Variants in INTS3 observed in about 807,000 individuals in gnomAD.
The protein encoded by INTS3 is SOSS complex subunit A.
In INTS3, 34 loss-of-function variants were observed where a neutral mutation model predicts 146.3. The observed-to-expected ratio is 0.23, with a 90% CI of 0.18 to 0.31. The LOEUF (loss-of-function observed/expected upper bound fraction) is 0.31, where lower values mean the gene tolerates loss of function less well. Among genes scored for constraint, INTS3 ranks in the 10% least tolerant of loss-of-function variants. The pLI, the probability that INTS3 is intolerant of heterozygous loss-of-function variation, is 1.00. For missense variants in INTS3, 757 were observed against 1,304.2 expected (o/e 0.58, Z 6.46); for synonymous variants, 475 against 494.9 (o/e 0.96, Z 0.53).
intron 12 of INTS3, 183 bp from the exon 13 acceptor site, chr1:153,760,644 C>T: frequency 1.6e-6 from 1 of 632,600 alleles, no homozygotes. Flanking sequence ...CCTTGGGGAG[C>T]AGCCAGGTCC....
At chr1:153,741,739 C>T (rs918291429) in intron 3 of INTS3, among the ~76,000 whole-genome samples, 7 of 152,196 alleles carry the variant, frequency 4.6e-5, no homozygotes, top group African/African-American at 1.7e-4. Context: ...CAGATTCTGC[C>T]ATTGGCAGGT....
intron 11 of INTS3, chr1:153,759,852 A>AG: frequency 1.8e-6 from 1 of 557,008 alleles, no homozygotes; most frequent in East Asian, 2.9e-5. Context: ...TCAGGAGGGG[A>AG]GGGCATGGGC....
chr1:153,765,095 C>G (rs753433991), intron 20 of INTS3, 32 bp downstream of exon 20: 9 of 1,612,822 alleles, frequency 5.6e-6, no homozygotes, highest in Non-Finnish European at 7.6e-6. Context: ...CAAATGGTGT[C>G]AGGACACATC....
intron 1 of INTS3, among the ~76,000 whole-genome samples, chr1:153,740,226 G>C (rs955129051): frequency 2.6e-5 from 4 of 151,836 alleles, no homozygotes; most frequent in African/African-American, 9.7e-5. Context: ...CAGCCTCCCA[G>C]GTAGCTGGGA....
Position 153,770,719 on chromosome 1 carries a change from A to G in INTS3, c.2538A>G (p.Gln846=), listed in dbSNP as rs746159197. 6.2e-7 allele frequency: 1 copy of G among 1,613,612 alleles called. No individual in the cohort carries two copies. Among genetic ancestry groups the G allele is most frequent in the East Asian group, 2.2e-5 (1 of 44,880 alleles). The change falls in exon 25 of 30, where the codon CAA becomes CAG. Residue 846 remains glutamine, a synonymous_variant. Coordinates refer to ENST00000318967, the MANE Select transcript of INTS3 (RefSeq NM_023015.5). The stretch of plus-strand genomic sequence containing the variant: ...AGGCCCTGTCCTGCCTACTGCTTCA[A>G]CTCCGAAGAGAAAAGTGAGTTCCAC... ...HPEALSCLLL[Q]LRREKPSEEM...
At position 153,773,744 on chromosome 1, in the gene INTS3, G is replaced by A; in HGVS notation, c.*474G>A. ...GTTTGTTCTGAAGGGACGTTTTATA[G>A]TCACTATCCACATGCCAGTGTGAAA... On this transcript the variant is annotated 3_prime_UTR_variant, in exon 30 of 30. Coordinates refer to ENST00000318967, the MANE Select transcript of INTS3 (RefSeq NM_023015.5). 5.3e-6 allele frequency: 1 copy of A among 189,240 alleles called. No homozygotes were observed. The highest frequency in any genetic ancestry group is 1.3e-5 in the Non-Finnish European group (1 of 79,616). The allele number at this position is 189,240 out of a possible 1,614,324, so 11.7% of individuals were successfully genotyped here.
At position 153,773,219 on chromosome 1, in the gene INTS3, T is replaced by C. The variant is rs200321129; in HGVS notation, c.3078T>C (p.Pro1026=). 2.5e-6 allele frequency: 4 copies of C among 1,614,022 alleles called. No individual in the cohort carries two copies. The African/African-American group carries it at 5.3e-5, about 22-fold the overall frequency. Residue 1026 remains proline (P), a synonymous_variant, in exon 30 of 30, where the codon CCT becomes CCC. Coordinates refer to ENST00000318967, the MANE Select transcript of INTS3 (RefSeq NM_023015.5). The stretch of plus-strand genomic sequence containing the variant: ...AAGAGGAAGACACGAAACCGAAGCC[T>C]ACCAAGCGGAAACGAAAAGGGTCCT... ...ASEEEDTKPK[P]TKRKRKGSSA...
chr1:153,752,214 C>G lies in INTS3; in HGVS notation c.730-65C>G, dbSNP rs1387717992. The G allele has an allele frequency of 2.0e-6, 3 of 1,505,638 alleles. No homozygotes were observed. In the African/African-American group the frequency reaches 4.1e-5, roughly 21 times the overall value. 93.3% of individuals were successfully genotyped at this position (1,505,638 alleles called of 1,614,324 possible). On this transcript the variant is annotated intron_variant, in intron 7 of 29. Transcript: ENST00000318967. ...AACATGTTGTTCCTTTGTCCTCCCT[C>G]CAGCAGGTAAACAATCCATGTTTTT...
Position 153,773,010 on chromosome 1 carries a change from A to C in INTS3, c.2980A>C (p.Ser994Arg). The change falls in exon 29 of 30, where the codon AGC becomes CGC. Residue 994 changes from serine (S) to arginine (R), a missense_variant. Transcript: ENST00000318967. ...GAGCCGGCGAAAAGCAGCTCTGTCCAGCCCTCGAAGTCGAAAGAATGCCAC... is the reference window on the plus strand; with the variant it reads ...GAGCCGGCGAAAAGCAGCTCTGTCCCGCCCTCGAAGTCGAAAGAATGCCAC... ...PKSRRKAALSSPRSRKNATQP... is the reference protein window; with the variant it reads ...PKSRRKAALSRPRSRKNATQP... 1.2e-6 allele frequency: 2 copies of C among 1,614,204 alleles called. No homozygotes were observed. The highest frequency in any genetic ancestry group is 1.7e-6 in the Non-Finnish European group (2 of 1,180,046).
intron 12 of INTS3, 166 bp downstream of exon 12, chr1:153,760,556 C>G (rs911751170): frequency 2.0e-5 from 13 of 639,096 alleles, no homozygotes; most frequent in Non-Finnish European, 3.6e-5. Flanking sequence ...CCATATTCCA[C>G]TGTCTGCACT....
In INTS3 at chr1:153,773,534, G is replaced by A. The variant is rs1468269589; in HGVS notation, c.*264G>A. On this transcript the variant is annotated 3_prime_UTR_variant, in exon 30 of 30. Transcript: ENST00000318967. The stretch of plus-strand genomic sequence containing the variant: ...GGATCTGACTGAAGCCAGAGGCTCT[G>A]TAAAATCAGACCATAGTGGAAGTCC... 7.0e-6 allele frequency: 4 copies of A among 572,238 alleles called. No homozygotes were observed. The highest frequency in any genetic ancestry group is 1.3e-5 in the Non-Finnish European group (4 of 312,680). 35.4% of individuals were successfully genotyped at this position (572,238 alleles called of 1,614,324 possible).
intron 1 of INTS3, among the ~76,000 whole-genome samples, chr1:153,730,472 C>T (rs1025256599): frequency 6.6e-6 from 1 of 152,170 alleles, no homozygotes; most frequent in African/African-American, 2.4e-5. Context: ...CCTTTGATCC[C>T]TCCATCAGTT....
intron 6 of INTS3, among the ~76,000 whole-genome samples, chr1:153,749,831 T>G (rs780042606): frequency 6.6e-6 from 1 of 152,234 alleles, no homozygotes; most frequent in Non-Finnish European, 1.5e-5. Flanking sequence ...GTGATTTTTC[T>G]TATTTTATTC....
chr1:153,769,460 C>T (rs1570883982), intron 22 of INTS3, among the ~76,000 whole-genome samples: 1 of 151,988 alleles, frequency 6.6e-6, no homozygotes, highest in Non-Finnish European at 1.5e-5. Flanking sequence ...TTGTCTTTAC[C>T]CTGCCCAACC....
intron 11 of INTS3, 169 bp from the exon 12 acceptor site, chr1:153,760,142 G>A: frequency 1.7e-6 from 1 of 592,648 alleles, no homozygotes; most frequent in Non-Finnish European, 3.0e-6. Context: ...TGAGGCATGA[G>A]ATTCGCTTGA....
intron 11 of INTS3, chr1:153,759,918 A>G: frequency 2.0e-6 from 1 of 499,198 alleles, no homozygotes; most frequent in Middle Eastern, 5.3e-4. Flanking sequence ...TCCCTTCTCA[A>G]AGCTGAATGC....
At chr1:153,761,229 G>A in intron 13 of INTS3, 1 of 567,284 alleles carries the variant, frequency 1.8e-6, no homozygotes, top group Non-Finnish European at 2.9e-6. Flanking sequence ...GAGAAGCTCT[G>A]GCCAGACACA....
chr1:153,757,462 G>A lies in INTS3; in HGVS notation c.958-110G>A, dbSNP rs936658003. Reference sequence around the variant, plus strand: ...CAGTATGAGCTAATGAATGAATTGTGGAGAAATAGAGGTCTAGGGCAAACC... The same window carrying A: ...CAGTATGAGCTAATGAATGAATTGTAGAGAAATAGAGGTCTAGGGCAAACC... On this transcript the variant is annotated intron_variant, in intron 9 of 29. Transcript: ENST00000318967. This position sits in a 1 kb window ranked among gnomAD's most constrained non-coding sequence, Gnocchi z 4.0. 2.5e-5 allele frequency: 20 copies of A among 815,366 alleles called. No individual in the cohort carries two copies. The highest frequency in any genetic ancestry group is 5.1e-5 in the African/African-American group (3 of 58,654). 50.5% of individuals were successfully genotyped at this position (815,366 alleles called of 1,614,324 possible).
chr1:153,770,543 A>AG (rs1672806429), intron 24 of INTS3, 142 bp from the exon 25 acceptor site: 1 of 747,666 alleles, frequency 1.3e-6, no homozygotes, highest in Admixed American at 2.2e-5. Context: ...GACTGATAGG[A>AG]GTGGGGTAGG....
Sources: allele counts gnomAD v4.1 joint callset (sites outside exome capture counted in the v4.1 genomes callset), GRCh38; gene constraint gnomAD v4.1.1; non-coding constraint Gnocchi (gnomAD v3.1); transcripts MANE v1.5; gene names NCBI Gene and HGNC (gene_info 2026-07-23, HGNC 2026-07-21).